The following CALN1 variants were observed in gnomAD, a reference collection of about 807,000 sequenced individuals.
CALN1 encodes the protein calcium-binding protein 8.
Under a neutral mutation model 30.6 loss-of-function variants are expected in CALN1, and 17 were observed. The ratio of observed to expected loss-of-function variants is 0.56; its 90% CI spans 0.38 to 0.83. The LOEUF (loss-of-function observed/expected upper bound fraction) is 0.83. CALN1 is among the 40% of genes least tolerant of loss of function. The pLI, the probability that CALN1 is intolerant of heterozygous loss-of-function variation, is 0.00. For missense variants in CALN1, 291 were observed against 354.9 expected (o/e 0.82, Z 1.45); for synonymous variants, 156 against 131.4 (o/e 1.19, Z -1.28).
At chr7:72,274,145 C>T (rs1304481789) in intron 3 of CALN1, among the ~76,000 whole-genome samples, 1 of 152,008 alleles carries the variant, frequency 6.6e-6, no homozygotes, top group Admixed American at 6.5e-5. Flanking sequence ...TATTTATATA[C>T]AGTGGAACAT....
In CALN1 at chr7:72,160,686, C is replaced by T. The variant is rs538512668; in HGVS notation, c.245-54392G>A. ...CAACCCTGATAAATAACAGTGGGTTCATGAATTCAAAGCTCTGCTATAGTA... is the reference window on the plus strand; with the variant it reads ...CAACCCTGATAAATAACAGTGGGTTTATGAATTCAAAGCTCTGCTATAGTA... On this transcript the variant is annotated intron_variant, in intron 3 of 6. Coordinates refer to ENST00000395275, the MANE Select transcript of CALN1 (RefSeq NM_031468.4). Among the ~76,000 whole-genome samples, 16 of 152,304 alleles carry T rather than the reference C, an allele frequency of 1.1e-4. No homozygotes were observed. The East Asian group carries it at 1.4e-3, about 13-fold the overall frequency.
chr7:71,846,860 ATGTATG>A (rs1790278335), intron 5 of CALN1, among the ~76,000 whole-genome samples: 1 of 146,644 alleles, frequency 6.8e-6, no homozygotes, highest in Admixed American at 6.9e-5. Flanking sequence ...ATATGTATAT[ATGTATG>A]TATATATAAT....
intron 2 of CALN1, among the ~76,000 whole-genome samples, chr7:72,338,471 G>GAGTGTGTGTC (rs1491443045): frequency 3.5e-4 from 11 of 31,594 alleles, no homozygotes. Flanking sequence ...CAGCAGCACA[G>GAGTGTGTGTC]TGTGTGTGTG....
chr7:72,425,170 A>G (rs1807757985), intron 1 of CALN1, among the ~76,000 whole-genome samples: 1 of 151,948 alleles, frequency 6.6e-6, no homozygotes, highest in Admixed American at 6.6e-5. Flanking sequence ...CTGGAGTGCA[A>G]TGGCACAATC....
intron 3 of CALN1, among the ~76,000 whole-genome samples, chr7:72,261,109 A>G (rs1699859406): frequency 6.6e-6 from 1 of 152,132 alleles, no homozygotes; most frequent in African/African-American, 2.4e-5. Flanking sequence ...GGAGTTCGAG[A>G]CCAGCTGGGC....
At chr7:72,021,713 T>C (rs893678712) in intron 5 of CALN1, among the ~76,000 whole-genome samples, 4 of 152,196 alleles carry the variant, frequency 2.6e-5, no homozygotes, top group Non-Finnish European at 4.4e-5. Context: ...TCCTCTTTTA[T>C]GCACCTTCCC....
intron 2 of CALN1, among the ~76,000 whole-genome samples, chr7:72,311,342 G>A (rs529083402): frequency 5.9e-5 from 9 of 152,214 alleles, no homozygotes; most frequent in African/African-American, 2.2e-4. Flanking sequence ...TACATTATTG[G>A]TAAGGCTTCC....
rs74774994 is a variant in CALN1 at position 72,043,547 on chromosome 7, T to G, written c.389-19778A>C. On this transcript the variant is annotated intron_variant, in intron 4 of 6. Coordinates refer to ENST00000395275, the MANE Select transcript of CALN1 (RefSeq NM_031468.4). ...AAGTTGTGAGGCTGAGCTGGGAAGA[T>G]TGCTTGAGGCCAGGAGTTTGAAACC... Among the ~76,000 whole-genome samples the G allele has an allele frequency of 3.9e-5, 6 of 152,226 alleles. No homozygotes were observed. The South Asian group carries it at 1.0e-3, about 26-fold the overall frequency.
chr7:71,818,675 T>G (rs201086536), intron 5 of CALN1, among the ~76,000 whole-genome samples: 1 of 3,836 alleles, frequency 2.6e-4, no homozygotes, highest in Non-Finnish European at 8.7e-4. Context: ...CAGCTTATTT[T>G]ATTTATTTAT....
intron 5 of CALN1, among the ~76,000 whole-genome samples, chr7:71,997,126 G>A (rs536560929): frequency 2.6e-5 from 4 of 152,196 alleles, no homozygotes; most frequent in African/African-American, 7.2e-5. Flanking sequence ...CTACTCATGC[G>A]AGTGACTGAG....
intron 3 of CALN1, among the ~76,000 whole-genome samples, chr7:72,271,360 C>T: frequency 6.6e-6 from 1 of 151,432 alleles, no homozygotes; most frequent in East Asian, 1.9e-4. Flanking sequence ...AAAAATTTCA[C>T]ATCTATAGAG....
intron 3 of CALN1, among the ~76,000 whole-genome samples, chr7:72,220,108 G>A (rs954656864): frequency 6.6e-6 from 1 of 151,330 alleles, no homozygotes; most frequent in African/African-American, 2.4e-5. Flanking sequence ...TGTTACATAT[G>A]TATACATGTG....
At chr7:72,273,501 C>T (rs376003111) in intron 3 of CALN1, among the ~76,000 whole-genome samples, 15 of 101,822 alleles carry the variant, frequency 1.5e-4, no homozygotes, top group South Asian at 3.9e-4. Context: ...AGGCAAGATT[C>T]TTTTTTTTTT....
chr7:72,415,174 A>G (rs1585703936), upstream of CALN1, among the ~76,000 whole-genome samples: 1 of 152,136 alleles, frequency 6.6e-6, no homozygotes, highest in South Asian at 2.1e-4. Flanking sequence ...TAAGCTCCCC[A>G]CCCGCTAGTC....
chr7:71,894,237 C>G (rs766649842), intron 5 of CALN1, among the ~76,000 whole-genome samples: 1 of 152,138 alleles, frequency 6.6e-6, no homozygotes, highest in Non-Finnish European at 1.5e-5. Context: ...GATTTAAATA[C>G]TATAACTTTA....
At chr7:72,117,406 A>T (rs1808062593) in intron 3 of CALN1, among the ~76,000 whole-genome samples, 1 of 152,138 alleles carries the variant, frequency 6.6e-6, no homozygotes, top group Non-Finnish European at 1.5e-5. Context: ...TATACCGGTC[A>T]GGCTGGATTT....
chr7:72,152,059 C>T (rs1787295275), intron 3 of CALN1, among the ~76,000 whole-genome samples: 1 of 151,880 alleles, frequency 6.6e-6, no homozygotes, highest in African/African-American at 2.4e-5. Context: ...CAGGCACCCA[C>T]TACTGCCCAG....
At position 71,854,824 on chromosome 7, in the gene CALN1, A is replaced by T. The variant is rs142666080; in HGVS notation, c.502-44332T>A. Among the ~76,000 whole-genome samples the T allele has an allele frequency of 6.6e-5, 10 of 152,368 alleles. No individual in the cohort carries two copies. The East Asian group carries it at 1.7e-3, about 26-fold the overall frequency. On this transcript the variant is annotated intron_variant, in intron 5 of 6. Coordinates refer to ENST00000395275, the MANE Select transcript of CALN1 (RefSeq NM_031468.4). ...AGCTTCGGGCTCATTTCCCAAGAAA[A>T]ACTATATAATGTGAAGCCAAGCTTA...
At position 72,124,203 on chromosome 7, in the gene CALN1, G is replaced by A. The variant is rs1563078394; in HGVS notation, c.245-17909C>T. Among the ~76,000 whole-genome samples the A allele has an allele frequency of 1.3e-5, 2 of 152,184 alleles. 1 individual carries two copies. Among genetic ancestry groups the A allele is most frequent in the South Asian group, 4.1e-4 (2 of 4,828 alleles). On this transcript the variant is annotated intron_variant, in intron 3 of 6. Coordinates refer to ENST00000395275, the MANE Select transcript of CALN1 (RefSeq NM_031468.4). ...CCGTGTGGATTTGGGGATTCTGAAG[G>A]TAAATAGTGTGGTAAAGGTAACACT...
Sources: allele counts gnomAD v4.1 joint callset (sites outside exome capture counted in the v4.1 genomes callset), GRCh38; gene constraint gnomAD v4.1.1; transcripts MANE v1.5; gene names NCBI Gene and HGNC (gene_info 2026-07-23, HGNC 2026-07-21).